The following SLIT1 variants were observed in gnomAD, a reference collection of about 807,000 sequenced individuals.
SLIT1 encodes slit guidance ligand 1.
A neutral mutation model predicts 186.1 loss-of-function variants in SLIT1; 66 were observed. The observed-to-expected ratio is 0.35, with a 90% CI of 0.29 to 0.44. SLIT1 has a LOEUF of 0.44. SLIT1 is among the 20% of genes least tolerant of loss of function. The probability of loss-of-function intolerance (pLI) is 1.00; values close to 1 mark genes in which losing one functional copy is unlikely to be tolerated. For missense variants in SLIT1, 1,638 were observed against 2,037.4 expected, an observed-to-expected ratio of 0.80 and a Z score of 3.77; for synonymous variants, 761 against 833.8, an observed-to-expected ratio of 0.91 and a Z score of 1.50.
At chr10:97,115,456 C>T (rs1236957497) in intron 4 of SLIT1, among the ~76,000 whole-genome samples, 1 of 152,192 alleles carries the variant, frequency 6.6e-6, no homozygotes, top group Non-Finnish European at 1.5e-5. Flanking sequence ...TGACCCCTCA[C>T]AGGTCCGGGG....
chr10:97,039,944 T>C, intron 21 of SLIT1, 44 bp downstream of exon 21: 2 of 1,607,364 alleles, frequency 1.2e-6, no homozygotes, highest in Non-Finnish European at 1.7e-6. Flanking sequence ...ACTGTCCCCG[T>C]CCTGTGGACC....
At chr10:97,030,252 CA>C (rs1848579257) in intron 25 of SLIT1, among the ~76,000 whole-genome samples, 1 of 152,194 alleles carries the variant, frequency 6.6e-6, no homozygotes, top group East Asian at 1.9e-4. Context: ...AGTAATTCTA[CA>C]TTGAATTACA....
chr10:97,178,766 G>T (rs573510629), intron 1 of SLIT1, among the ~76,000 whole-genome samples: 3 of 141,530 alleles, frequency 2.1e-5, no homozygotes, highest in Non-Finnish European at 4.6e-5. Context: ...GAGTGTGTGC[G>T]ATAGAGAGAA....
chr10:97,167,313 T>C (rs1850134284), intron 1 of SLIT1, among the ~76,000 whole-genome samples: 1 of 152,208 alleles, frequency 6.6e-6, no homozygotes, highest in Non-Finnish European at 1.5e-5. Context: ...CTTCAAACAC[T>C]GAGAATGTCA....
At chr10:97,077,834 C>T (rs1205896833) in intron 4 of SLIT1, among the ~76,000 whole-genome samples, 1 of 152,026 alleles carries the variant, frequency 6.6e-6, no homozygotes, top group African/African-American at 2.4e-5. Context: ...AGTCTGGGCA[C>T]AGTGGCTCAT....
intron 4 of SLIT1, among the ~76,000 whole-genome samples, chr10:97,138,360 C>T (rs549403631): frequency 6.6e-6 from 1 of 152,354 alleles, no homozygotes; most frequent in Admixed American, 6.5e-5. Flanking sequence ...CCTGCATTCA[C>T]CTCCACTATC....
At chr10:97,014,865 C>CAA (rs60054761) in intron 28 of SLIT1, among the ~76,000 whole-genome samples, 8 of 111,614 alleles carry the variant, frequency 7.2e-5, no homozygotes, top group African/African-American at 1.9e-4. Flanking sequence ...GACTCTGTCT[C>CAA]AAAAAAAAAA....
chr10:97,118,575 G>C (rs1849529848), intron 4 of SLIT1, among the ~76,000 whole-genome samples: 1 of 152,116 alleles, frequency 6.6e-6, no homozygotes. Flanking sequence ...AAAAGGCGAA[G>C]GTATGACCAA....
In SLIT1 at chr10:97,010,161, G is replaced by C. The variant is rs1589361749; in HGVS notation, c.3341+832C>G. 3.3e-5 allele frequency among the ~76,000 whole-genome samples: 5 copies of C among 152,322 alleles called. No homozygotes were observed. In the South Asian group the frequency reaches 8.3e-4, roughly 25 times the overall value. On this transcript the variant is annotated intron_variant, in intron 31 of 36. Coordinates refer to ENST00000266058, the MANE Select transcript of SLIT1 (RefSeq NM_003061.3). The surrounding 1 kb of genome is among the most constrained non-coding windows in gnomAD (Gnocchi z 4.8). ...GCCAAAAAGTGGCAACAACCTAAATGCCTATCAACTGATGAGTGGGTAAAC... is the reference window on the plus strand; with the variant it reads ...GCCAAAAAGTGGCAACAACCTAAATCCCTATCAACTGATGAGTGGGTAAAC...
At chr10:97,105,082 C>T (rs1033734541) in intron 4 of SLIT1, among the ~76,000 whole-genome samples, 3 of 152,160 alleles carry the variant, frequency 2.0e-5, no homozygotes, top group African/African-American at 7.2e-5. Context: ...AGAGACCTGG[C>T]CGATACTCAG....
At chr10:97,114,575 G>GT (rs1849493646) in intron 4 of SLIT1, among the ~76,000 whole-genome samples, 1 of 152,122 alleles carries the variant, frequency 6.6e-6, no homozygotes, top group Non-Finnish European at 1.5e-5. Context: ...GGGAGGATCA[G>GT]TTGAGCCCAA....
chr10:97,107,296 G>T (rs1473812622), intron 4 of SLIT1, among the ~76,000 whole-genome samples: 1 of 152,206 alleles, frequency 6.6e-6, no homozygotes, highest in South Asian at 2.1e-4. Flanking sequence ...CAACGGTAAC[G>T]TGTTGTTATT....
intron 4 of SLIT1, among the ~76,000 whole-genome samples, chr10:97,129,919 C>T (rs188221309): frequency 4.6e-5 from 7 of 152,228 alleles, no homozygotes; most frequent in South Asian, 2.1e-4. Context: ...AAGAACAAGG[C>T]GGTCCCTCTC....
At chr10:97,140,365 C>T (rs1184264929) in intron 4 of SLIT1, among the ~76,000 whole-genome samples, 1 of 152,130 alleles carries the variant, frequency 6.6e-6, no homozygotes, top group Non-Finnish European at 1.5e-5. Flanking sequence ...GCTTCAACTT[C>T]GAATTGTGAA....
intron 4 of SLIT1, among the ~76,000 whole-genome samples, chr10:97,113,813 C>T (rs1296528766): frequency 6.6e-6 from 1 of 152,194 alleles, no homozygotes; most frequent in Non-Finnish European, 1.5e-5. Flanking sequence ...GCCTCGGCCT[C>T]CCAAAGTGCT....
chr10:97,002,014 A>T (rs767959043), intron 36 of SLIT1, 144 bp downstream of exon 36: 1 of 496,674 alleles, frequency 2.0e-6, no homozygotes, highest in Non-Finnish European at 3.5e-6. Context: ...CAGAGGGTGG[A>T]GGGACTCTGA....
At chr10:97,092,461 G>T (rs780357458) in intron 4 of SLIT1, among the ~76,000 whole-genome samples, 2 of 152,214 alleles carry the variant, frequency 1.3e-5, no homozygotes, top group African/African-American at 4.8e-5. Flanking sequence ...CATAGGTCAA[G>T]CACCTGAAAG....
chr10:97,040,215 AG>A (rs1316802267), intron 20 of SLIT1, 95 bp from the exon 21 acceptor site: 1 of 1,289,738 alleles, frequency 7.8e-7, no homozygotes, highest in African/African-American at 1.5e-5. Flanking sequence ...CTCTCAGAAC[AG>A]AAGACCCCTC....
At chr10:97,131,118 G>C (rs1207684252) in intron 4 of SLIT1, among the ~76,000 whole-genome samples, 1 of 152,198 alleles carries the variant, frequency 6.6e-6, no homozygotes, top group African/African-American at 2.4e-5. Flanking sequence ...ATTGTGGACA[G>C]TGTGATCCCG....
Sources: allele counts gnomAD v4.1 joint callset (sites outside exome capture counted in the v4.1 genomes callset), GRCh38; gene constraint gnomAD v4.1.1; non-coding constraint Gnocchi (gnomAD v3.1); transcripts MANE v1.5; gene names NCBI Gene and HGNC (gene_info 2026-07-23, HGNC 2026-07-21).